The following RAB3C variants were observed in gnomAD, a reference collection of about 807,000 sequenced individuals.
RAB3C encodes the protein ras-related protein Rab-3C.
In RAB3C, 17 loss-of-function variants were observed where a neutral mutation model predicts 26.4. The observed-to-expected ratio is 0.64, with a 90% CI of 0.44 to 0.97. RAB3C has a LOEUF of 0.97. Ranked by LOEUF, RAB3C falls within the 50% of genes least tolerant of loss-of-function variation. The probability of loss-of-function intolerance (pLI) is 0.00; values close to 1 mark genes in which losing one functional copy is unlikely to be tolerated. For missense variants in RAB3C, 242 were observed against 281.9 expected (o/e 0.86, Z 1.01); for synonymous variants, 91 against 95.9 (o/e 0.95, Z 0.30).
intron 3 of RAB3C, among the ~76,000 whole-genome samples, chr5:58,737,784 C>T (rs565912029): frequency 6.6e-6 from 1 of 152,082 alleles, no homozygotes; most frequent in African/African-American, 2.4e-5. Context: ...CAAACCAATG[C>T]TCTCAATTCA....
intron 2 of RAB3C, among the ~76,000 whole-genome samples, chr5:58,618,748 T>G (rs541396206): frequency 9.8e-5 from 15 of 152,292 alleles, no homozygotes; most frequent in African/African-American, 3.6e-4. Flanking sequence ...GGAAGAATGT[T>G]TCTACAGTAA....
chr5:58,759,670 T>C (rs1441176489), intron 3 of RAB3C, among the ~76,000 whole-genome samples: 1 of 152,212 alleles, frequency 6.6e-6, no homozygotes, highest in Non-Finnish European at 1.5e-5. Flanking sequence ...AATCTGCTAG[T>C]ATTAAAACAT....
chr5:58,839,641 A>G (rs939277231), intron 4 of RAB3C, among the ~76,000 whole-genome samples: 5 of 152,098 alleles, frequency 3.3e-5, no homozygotes. Context: ...AACTGCTGGG[A>G]TTACAGACAT....
Position 58,856,527 on chromosome 5 carries a change from A to G in RAB3C, c.*5176A>G, listed in dbSNP as rs1744263734. On this transcript the variant is annotated 3_prime_UTR_variant, in exon 5 of 5. Coordinates refer to ENST00000282878, the MANE Select transcript of RAB3C (RefSeq NM_138453.4). ...CATTTACTTCCCATCAGCAACCATTACTGGTGGAGTTTCAAACAGTCATTA... is the reference window on the plus strand; with the variant it reads ...CATTTACTTCCCATCAGCAACCATTGCTGGTGGAGTTTCAAACAGTCATTA... 6.6e-6 allele frequency: 1 copy of G among 152,114 alleles called. No homozygotes were observed. Among genetic ancestry groups the G allele is most frequent in the Admixed American group, 6.6e-5 (1 of 15,256 alleles). The allele number at this position is 152,114 out of a possible 1,614,324, so 9.4% of individuals were successfully genotyped here.
At chr5:58,592,572 G>A (rs1461140965) in intron 1 of RAB3C, among the ~76,000 whole-genome samples, 6 of 151,984 alleles carry the variant, frequency 3.9e-5, no homozygotes, top group Admixed American at 3.3e-4. Context: ...GAACAACCTC[G>A]ATTAGCATTT....
At position 58,684,310 on chromosome 5, in the gene RAB3C, A is replaced by G. The variant is rs1249644206; in HGVS notation, c.253-41692A>G. Reference sequence around the variant, plus strand: ...AGCCTGTACAGATTTCAGTGTCTGTACATCATTAAACATGCAACTCTGTTT... The same window carrying G: ...AGCCTGTACAGATTTCAGTGTCTGTGCATCATTAAACATGCAACTCTGTTT... On this transcript the variant is annotated intron_variant, in intron 2 of 4. Transcript: ENST00000282878. 2.0e-5 allele frequency among the ~76,000 whole-genome samples: 3 copies of G among 152,334 alleles called. No individual in the cohort carries two copies. The East Asian group carries it at 5.8e-4, about 29-fold the overall frequency.
intron 2 of RAB3C, among the ~76,000 whole-genome samples, chr5:58,680,451 C>A (rs976874820): frequency 1.3e-5 from 2 of 152,206 alleles, no homozygotes; most frequent in African/African-American, 4.8e-5. Flanking sequence ...AATTGCTCAG[C>A]AACTTATTAG....
At chr5:58,830,415 C>A (rs1743587799) in intron 4 of RAB3C, among the ~76,000 whole-genome samples, 1 of 152,078 alleles carries the variant, frequency 6.6e-6, no homozygotes, top group Non-Finnish European at 1.5e-5. Flanking sequence ...TCTGTGTCAC[C>A]AAGCATAAGA....
rs140430229 is a variant in RAB3C, at chr5:58,589,934, C to T, written c.24+6702C>T. 3.4e-3 allele frequency among the ~76,000 whole-genome samples: 522 copies of T among 152,206 alleles called. 2 individuals carry two copies. Among genetic ancestry groups the T allele is most frequent in the African/African-American group, 0.011 (472 of 41,532 alleles). On this transcript the variant is annotated intron_variant, in intron 1 of 4. Transcript: ENST00000282878. ...AGGCTGTGTGTCAAGGAAGCAGGGA[C>T]CTCAGTCCTACAACCACCAGCAACT... is the stretch of plus-strand genomic sequence containing the variant.
At chr5:58,636,277 T>G (rs192148709) in intron 2 of RAB3C, among the ~76,000 whole-genome samples, 4 of 152,342 alleles carry the variant, frequency 2.6e-5, no homozygotes, top group Non-Finnish European at 4.4e-5. Context: ...CCCAGCTCTC[T>G]AGTAGATGGG....
chr5:58,732,382 G>C (rs1405210540), intron 3 of RAB3C, among the ~76,000 whole-genome samples: 4 of 152,002 alleles, frequency 2.6e-5, no homozygotes, highest in Non-Finnish European at 5.9e-5. Context: ...AGGGCAATAA[G>C]AAACTTCAAA....
chr5:58,582,675 A>C (rs1745923613), upstream of RAB3C, among the ~76,000 whole-genome samples: 1 of 152,180 alleles, frequency 6.6e-6, no homozygotes, highest in South Asian at 2.1e-4. Context: ...TAGGGCGGAG[A>C]GTCCCAGAGA....
At chr5:58,626,147 C>A (rs1042695763) in intron 2 of RAB3C, among the ~76,000 whole-genome samples, 1 of 152,080 alleles carries the variant, frequency 6.6e-6, no homozygotes, top group Non-Finnish European at 1.5e-5. Flanking sequence ...TCAAACTGTC[C>A]GTCTTCATGT....
At chr5:58,692,353 G>A (rs1748587678) in intron 2 of RAB3C, among the ~76,000 whole-genome samples, 1 of 3,274 alleles carries the variant, frequency 3.1e-4, no homozygotes, top group South Asian at 0.019. Flanking sequence ...AGAAAATAAT[G>A]TTCAGAAAAA....
chr5:58,639,714 C>A (rs546272952), intron 2 of RAB3C, among the ~76,000 whole-genome samples: 6 of 152,294 alleles, frequency 3.9e-5, no homozygotes, highest in African/African-American at 1.4e-4. Context: ...GTCTTGCTCC[C>A]TGTTGCTTCA....
Position 58,589,854 on chromosome 5 carries a change from T to C in RAB3C, c.24+6622T>C, listed in dbSNP as rs192855344. ...CTTTCTCTCATTGAATTTAGAGTGTTGTGGCAGAAGTCAGTTTCAAAACAT... is the reference window on the plus strand; with the variant it reads ...CTTTCTCTCATTGAATTTAGAGTGTCGTGGCAGAAGTCAGTTTCAAAACAT... On this transcript the variant is annotated intron_variant, in intron 1 of 4. Transcript: ENST00000282878. 2.3e-3 allele frequency among the ~76,000 whole-genome samples: 345 copies of C among 152,328 alleles called. 2 individuals are homozygous for C. Among genetic ancestry groups the C allele is most frequent in the African/African-American group, 7.8e-3 (325 of 41,584 alleles).
At chr5:58,765,387 TTA>T (rs1393116111) in intron 3 of RAB3C, among the ~76,000 whole-genome samples, 2 of 152,206 alleles carry the variant, frequency 1.3e-5, no homozygotes, top group Non-Finnish European at 2.9e-5. Context: ...ACCACAAGAC[TTA>T]TCTTTCTTTT....
At chr5:58,603,405 T>C (rs1293408221) in intron 1 of RAB3C, among the ~76,000 whole-genome samples, 3 of 152,176 alleles carry the variant, frequency 2.0e-5, no homozygotes, top group African/African-American at 7.2e-5. Context: ...CCCCCAAATA[T>C]GTTTTCCAAG....
At chr5:58,613,431 C>A (rs1205999012) in intron 1 of RAB3C, among the ~76,000 whole-genome samples, 3 of 152,028 alleles carry the variant, frequency 2.0e-5, no homozygotes, top group Non-Finnish European at 2.9e-5. Flanking sequence ...CTTAGATGAA[C>A]ACATAAAATA....
Sources: gnomAD v4.1 joint callset for allele counts (sites outside exome capture counted in the v4.1 genomes callset) on GRCh38, gnomAD v4.1.1 for gene constraint, MANE v1.5 for transcripts, NCBI Gene and HGNC (gene_info 2026-07-23, HGNC 2026-07-21) for gene names.